NPAS3: variants seen among roughly 807,000 people sequenced by gnomAD.
The protein encoded by NPAS3 is neuronal PAS domain-containing protein 3.
In NPAS3, 14 loss-of-function variants were observed where a neutral mutation model predicts 73.1. The ratio of observed to expected loss-of-function variants is 0.19; its 90% CI spans 0.13 to 0.30. The LOEUF is 0.30. Among genes scored for constraint, NPAS3 ranks in the 10% least tolerant of loss-of-function variants. The probability of loss-of-function intolerance (pLI) is 1.00; values close to 1 mark genes in which losing one functional copy is unlikely to be tolerated. For missense variants in NPAS3, 1,096 were observed against 1,250.0 expected (o/e 0.88, Z 1.86); for synonymous variants, 620 against 541.5 (o/e 1.14, Z -2.01).
At chr14:33,212,542 G>C (rs1262854169) in intron 2 of NPAS3, among the ~76,000 whole-genome samples, 1 of 152,076 alleles carries the variant, frequency 6.6e-6, no homozygotes. Flanking sequence ...TGTTAGGCAA[G>C]GCATCCAAAG....
intron 4 of NPAS3, among the ~76,000 whole-genome samples, chr14:33,425,830 A>G (rs1260581547): frequency 6.6e-6 from 1 of 152,066 alleles, no homozygotes; most frequent in Non-Finnish European, 1.5e-5. Context: ...CATCAGGGGT[A>G]ATGAACCTGC....
intron 3 of NPAS3, among the ~76,000 whole-genome samples, chr14:33,235,021 G>A (rs1326031086): frequency 2.0e-5 from 3 of 151,984 alleles, no homozygotes; most frequent in South Asian, 2.1e-4. Context: ...ACCAGATACC[G>A]AAAGTCATTC....
chr14:33,504,557 T>G (rs1367280790), intron 4 of NPAS3, among the ~76,000 whole-genome samples: 1 of 152,016 alleles, frequency 6.6e-6, no homozygotes, highest in Non-Finnish European at 1.5e-5. Context: ...GTAACAGCCC[T>G]TTTGCAGTAG....
At chr14:33,139,133 T>C (rs1481046280) in intron 2 of NPAS3, among the ~76,000 whole-genome samples, 3 of 152,220 alleles carry the variant, frequency 2.0e-5, no homozygotes, top group Admixed American at 6.5e-5. Context: ...TTCTGTTTAG[T>C]ACATCAGAAC....
At chr14:33,674,954 G>A (rs758123079) in intron 5 of NPAS3, among the ~76,000 whole-genome samples, 1 of 152,110 alleles carries the variant, frequency 6.6e-6, no homozygotes. Flanking sequence ...TTTTTCCACC[G>A]CCAGTCTTCC....
At chr14:32,976,696 G>A (rs1306421853) in intron 1 of NPAS3, among the ~76,000 whole-genome samples, 1 of 152,180 alleles carries the variant, frequency 6.6e-6, no homozygotes, top group African/African-American at 2.4e-5. Flanking sequence ...ACTACTGTAT[G>A]CATACACACA....
intron 2 of NPAS3, among the ~76,000 whole-genome samples, chr14:33,139,499 G>A (rs894909393): frequency 6.6e-6 from 1 of 152,190 alleles, no homozygotes; most frequent in Non-Finnish European, 1.5e-5. Flanking sequence ...TGGGTGAATT[G>A]AGAAGATGTG....
At chr14:33,647,089 C>T (rs919975730) in intron 5 of NPAS3, among the ~76,000 whole-genome samples, 1 of 152,134 alleles carries the variant, frequency 6.6e-6, no homozygotes, top group African/African-American at 2.4e-5. Flanking sequence ...ATATTATTTT[C>T]TCATGGAAGC....
intron 2 of NPAS3, among the ~76,000 whole-genome samples, chr14:33,082,947 A>C (rs1302509571): frequency 6.6e-6 from 1 of 152,070 alleles, no homozygotes; most frequent in Non-Finnish European, 1.5e-5. Context: ...GGAGGCTGAG[A>C]TAGGCAGATC....
chr14:33,472,829 GAAAA>G (rs1050635035), intron 4 of NPAS3, among the ~76,000 whole-genome samples: 1 of 147,170 alleles, frequency 6.8e-6, no homozygotes, highest in African/African-American at 2.6e-5. Flanking sequence ...GTGCAAAGCA[GAAAA>G]AAAAAGACAT....
intron 3 of NPAS3, among the ~76,000 whole-genome samples, chr14:33,247,231 C>A (rs2048424968): frequency 6.6e-6 from 1 of 151,996 alleles, no homozygotes; most frequent in Non-Finnish European, 1.5e-5. Context: ...TTATCTTTTG[C>A]ATTTAATTTT....
intron 7 of NPAS3, among the ~76,000 whole-genome samples, chr14:33,752,553 G>A (rs147610748): frequency 4.8e-4 from 73 of 152,312 alleles, no homozygotes; most frequent in African/African-American, 1.5e-3. Flanking sequence ...CAGAGCTGAT[G>A]CACAATAAAC....
intron 2 of NPAS3, among the ~76,000 whole-genome samples, chr14:33,152,394 G>A (rs1221261606): frequency 6.6e-6 from 1 of 152,108 alleles, no homozygotes; most frequent in Non-Finnish European, 1.5e-5. Context: ...ACCAGCAAGA[G>A]TGATGTTCTA....
At chr14:33,740,597 G>T (rs747936972) in intron 7 of NPAS3, among the ~76,000 whole-genome samples, 1 of 152,220 alleles carries the variant, frequency 6.6e-6, no homozygotes, top group African/African-American at 2.4e-5. Context: ...GAACCCAAAC[G>T]ATTGTACCGT....
intron 4 of NPAS3, among the ~76,000 whole-genome samples, chr14:33,423,377 G>A (rs1212859139): frequency 6.6e-6 from 1 of 151,934 alleles, no homozygotes; most frequent in African/African-American, 2.4e-5. Flanking sequence ...GTAGTTGGTT[G>A]CATTTGACAT....
chr14:33,251,372 A>G (rs1314168696), intron 3 of NPAS3, among the ~76,000 whole-genome samples: 3 of 152,000 alleles, frequency 2.0e-5, no homozygotes, highest in Non-Finnish European at 4.4e-5. Context: ...GGGTGGGTGT[A>G]CCTCCATATA....
chr14:33,617,564 A>G (rs941981489), intron 5 of NPAS3, among the ~76,000 whole-genome samples: 3 of 152,178 alleles, frequency 2.0e-5, no homozygotes, highest in Non-Finnish European at 4.4e-5. Context: ...CAAAATAAAC[A>G]TGGCATATTT....
intron 5 of NPAS3, among the ~76,000 whole-genome samples, chr14:33,603,083 T>C (rs1595253747): frequency 6.6e-6 from 1 of 152,182 alleles, no homozygotes; most frequent in East Asian, 1.9e-4. Context: ...AAGTGACATA[T>C]TAGAATTAGG....
intron 3 of NPAS3, among the ~76,000 whole-genome samples, chr14:33,351,084 G>A (rs1026309705): frequency 6.6e-6 from 1 of 152,126 alleles, no homozygotes; most frequent in South Asian, 2.1e-4. Flanking sequence ...ATATATGGAG[G>A]CTTTGTTAAA....
Sources: allele counts gnomAD v4.1 joint callset (sites outside exome capture counted in the v4.1 genomes callset), GRCh38; gene constraint gnomAD v4.1.1; transcripts MANE v1.5; gene names NCBI Gene and HGNC (gene_info 2026-07-23, HGNC 2026-07-21).